NDST1: variants seen among roughly 807,000 people sequenced by gnomAD.
NDST1 encodes bifunctional heparan sulfate N-deacetylase/N-sulfotransferase 1.
Under a neutral mutation model 92.8 loss-of-function variants are expected in NDST1, and 35 were observed. The ratio of observed to expected loss-of-function variants is 0.38; its 90% CI spans 0.29 to 0.50. NDST1 has a LOEUF of 0.50. NDST1 is among the 20% of genes least tolerant of loss of function. NDST1 has a pLI of 0.94. For missense variants in NDST1, 822 were observed against 1,182.7 expected, an observed-to-expected ratio of 0.69 and a Z score of 4.47; for synonymous variants, 493 against 500.3, an observed-to-expected ratio of 0.99 and a Z score of 0.19.
In NDST1 at chr5:150,557,965, C is replaced by G. The variant is rs1169028076; in HGVS notation, c.*4633C>G. Reference sequence around the variant, plus strand: ...AAGAGGGCTCCTTTTGTAATTTGTGCATGAAATTCATGTCATTTCCTGGGA... The same window carrying G: ...AAGAGGGCTCCTTTTGTAATTTGTGGATGAAATTCATGTCATTTCCTGGGA... On this transcript the variant is annotated 3_prime_UTR_variant, in exon 15 of 15. Coordinates refer to ENST00000261797, the MANE Select transcript of NDST1 (RefSeq NM_001543.5). The surrounding 1 kb of genome is among the most constrained non-coding windows in gnomAD (Gnocchi z 4.7). 3.3e-5 allele frequency: 5 copies of G among 150,248 alleles called. No homozygotes were observed. Among genetic ancestry groups the G allele is most frequent in the Non-Finnish European group, 7.4e-5 (5 of 67,850 alleles). 9.3% of individuals were successfully genotyped at this position (150,248 alleles called of 1,614,324 possible).
Position 150,540,073 on chromosome 5 carries a change from C to G in NDST1, c.1567-9C>G. ...GGCCCTGCCTCTCTCCTCCCCTCCC[C>G]TGGAGCAGATCAGCATCTTCATGAC... On this transcript the variant is annotated splice_polypyrimidine_tract_variant and intron_variant, in intron 7 of 14. Transcript: ENST00000261797. 3 of 1,614,202 alleles carry G rather than the reference C, an allele frequency of 1.9e-6. No homozygotes were observed. The highest frequency in any genetic ancestry group is 2.5e-6 in the Non-Finnish European group (3 of 1,180,034).
At chr5:150,517,304 ATT>A (rs34230800) in intron 1 of NDST1, among the ~76,000 whole-genome samples, 67 of 139,714 alleles carry the variant, frequency 4.8e-4, no homozygotes, top group Admixed American at 9.3e-4. Context: ...CACCTGGCTC[ATT>A]TTTTTTTTTT....
At chr5:150,517,281 G>A (rs1014307911) in intron 1 of NDST1, among the ~76,000 whole-genome samples, 2 of 151,216 alleles carry the variant, frequency 1.3e-5, no homozygotes, top group African/African-American at 4.9e-5. Flanking sequence ...GGGTCTACAG[G>A]CACATGCCCT....
At chr5:150,517,219 A>G (rs1010128345) in intron 1 of NDST1, among the ~76,000 whole-genome samples, 1 of 151,418 alleles carries the variant, frequency 6.6e-6, no homozygotes, top group Non-Finnish European at 1.5e-5. Flanking sequence ...TGGCACAATT[A>G]TGGCCACTGT....
At chr5:150,550,105 CT>C (rs11365752) in intron 13 of NDST1, among the ~76,000 whole-genome samples, 46,230 of 138,770 alleles carry the variant, frequency 0.33, 8,415 homozygotes, top group African/African-American at 0.53. Context: ...TTAGCATTAG[CT>C]TTTTTTTTTT....
intron 11 of NDST1, among the ~76,000 whole-genome samples, chr5:150,547,764 C>T (rs192420340): frequency 6.6e-6 from 1 of 152,336 alleles, no homozygotes; most frequent in East Asian, 1.9e-4. Context: ...TGGCTCACTG[C>T]AACCTCCACC....
At chr5:150,534,109 T>G (rs1042086920) in intron 4 of NDST1, among the ~76,000 whole-genome samples, 2 of 150,814 alleles carry the variant, frequency 1.3e-5, no homozygotes, top group African/African-American at 4.9e-5. Context: ...AAATTATTTA[T>G]TTTTAGAGAC....
chr5:150,548,169 TC>T (rs1184784322), intron 11 of NDST1, 48 bp from the exon 12 acceptor site: 1 of 1,612,964 alleles, frequency 6.2e-7, no homozygotes, highest in Non-Finnish European at 8.5e-7. Flanking sequence ...TCAGGCCACT[TC>T]CTTTGTGTCC....
At chr5:150,540,471 C>T (rs546495627) in intron 8 of NDST1, among the ~76,000 whole-genome samples, 12 of 152,144 alleles carry the variant, frequency 7.9e-5, no homozygotes, top group Non-Finnish European at 1.3e-4. Context: ...TACTTCCCCA[C>T]GCAGACCTAC....
intron 1 of NDST1, among the ~76,000 whole-genome samples, chr5:150,513,192 C>T (rs1753800964): frequency 6.6e-6 from 1 of 151,890 alleles, no homozygotes; most frequent in Non-Finnish European, 1.5e-5. Flanking sequence ...AAGACACTGT[C>T]TCAAAAAATG....
At chr5:150,552,030 C>A in intron 14 of NDST1, 175 bp downstream of exon 14, 3 of 648,312 alleles carry the variant, frequency 4.6e-6, no homozygotes, top group Non-Finnish European at 5.7e-6. Context: ...TGGGTCAGAC[C>A]TGATTTCGTC....
rs1053326081 is a variant in NDST1 at position 150,521,428 on chromosome 5, CCCG to C, written c.180_182del (p.Pro61del). The C allele has an allele frequency of 1.9e-6, 3 of 1,612,860 alleles. No homozygotes were observed. The African/African-American group carries it at 4.0e-5, about 22-fold the overall frequency. On this transcript the variant is annotated inframe_deletion, in exon 2 of 15. Coordinates refer to ENST00000261797, the MANE Select transcript of NDST1 (RefSeq NM_001543.5). This position sits in a 1 kb window ranked among gnomAD's most constrained non-coding sequence, Gnocchi z 5.9. ...ATGCCCCCGAGCCTGACTGCGGGGACCCGCCGCCTGTGGCCCCCAGTCGCCTGC... is the reference window on the plus strand; with the variant it reads ...ATGCCCCCGAGCCTGACTGCGGGGACCCGCCTGTGGCCCCCAGTCGCCTGC...
At chr5:150,518,903 G>T (rs1040837567) in intron 1 of NDST1, 1 of 151,942 alleles carries the variant, frequency 6.6e-6, no homozygotes, top group African/African-American at 2.4e-5. Flanking sequence ...CAGCCTCCTG[G>T]GTAGCTGGGA....
At chr5:150,512,167 C>A (rs753261) in intron 1 of NDST1, among the ~76,000 whole-genome samples, 6,480 of 152,156 alleles carry the variant, frequency 0.043, 436 homozygotes, top group Admixed American at 0.17. Flanking sequence ...TCCTCTCAGC[C>A]CCCACCCCAT....
Position 150,522,462 on chromosome 5 carries a change from G to GC in NDST1, c.513+696dup, listed in dbSNP as rs553238481. 1.6e-3 allele frequency among the ~76,000 whole-genome samples: 245 copies of GC among 152,040 alleles called. 1 individual carries two copies. Among genetic ancestry groups the GC allele is most frequent in the South Asian group, 6.5e-3 (31 of 4,802 alleles). On this transcript the variant is annotated intron_variant, in intron 2 of 14. Coordinates refer to ENST00000261797, the MANE Select transcript of NDST1 (RefSeq NM_001543.5). ...GGCGGGGGGAGGTTGGGAATGGTGG[G>GC]CGGGGGATCCAGAGGCTGTGGTCAG...
At chr5:150,533,704 G>A (rs918781167) in intron 4 of NDST1, among the ~76,000 whole-genome samples, 8 of 152,194 alleles carry the variant, frequency 5.3e-5, no homozygotes, top group African/African-American at 1.4e-4. Context: ...AGCAGATGGA[G>A]GGGTATATGC....
Position 150,543,841 on chromosome 5 carries a change from G to C in NDST1, c.1970+870G>C, listed in dbSNP as rs568400101. On this transcript the variant is annotated intron_variant, in intron 10 of 14. Transcript: ENST00000261797. ...GTCACCCAGGCTGCAGTGCAGTGGC[G>C]CGATCTCGGCTTACTGCAACCTCTG... 1.1e-3 allele frequency among the ~76,000 whole-genome samples: 160 copies of C among 151,684 alleles called. 1 individual carries two copies. Among genetic ancestry groups the C allele is most frequent in the African/African-American group, 3.4e-3 (140 of 41,320 alleles).
At chr5:150,539,636 A>G (rs1755154444) in intron 7 of NDST1, 2 of 985,248 alleles carry the variant, frequency 2.0e-6, no homozygotes, top group Non-Finnish European at 2.4e-6. Flanking sequence ...ATGTGTGTAT[A>G]CACACATACA....
intron 11 of NDST1, 145 bp from the exon 12 acceptor site, chr5:150,548,073 C>A: frequency 1.1e-6 from 1 of 883,128 alleles, no homozygotes; most frequent in Non-Finnish European, 1.8e-6. Context: ...ACACTGGACA[C>A]AGTGAGAGGC....
Sources: allele counts gnomAD v4.1 joint callset (sites outside exome capture counted in the v4.1 genomes callset), GRCh38; gene constraint gnomAD v4.1.1; non-coding constraint Gnocchi (gnomAD v3.1); transcripts MANE v1.5; gene names NCBI Gene and HGNC (gene_info 2026-07-23, HGNC 2026-07-21).